ATRNL1: variants seen among roughly 807,000 people sequenced by gnomAD.
ATRNL1 encodes the protein attractin like 1.
In ATRNL1, 95 loss-of-function variants were observed where a neutral mutation model predicts 182.7. The observed-to-expected ratio is 0.52, with a 90% confidence interval of 0.44 to 0.62. The LOEUF is 0.62. Among genes scored for constraint, ATRNL1 ranks in the 20% least tolerant of loss-of-function variants. The probability of loss-of-function intolerance (pLI) is 0.00; values close to 1 mark genes in which losing one functional copy is unlikely to be tolerated. For synonymous variants in ATRNL1, 576 were observed against 568.3 expected (o/e 1.01, Z -0.19); for missense variants, 1,471 against 1,679.5 (o/e 0.88, Z 2.17).
chr10:115,341,820 G>A (rs568865839), intron 19 of ATRNL1, among the ~76,000 whole-genome samples: 7 of 152,050 alleles, frequency 4.6e-5, no homozygotes, highest in African/African-American at 1.7e-4. Context: ...TTTGTTTGAT[G>A]TAAGTATAGC....
At chr10:115,094,561 G>A (rs532250141) in intron 1 of ATRNL1, among the ~76,000 whole-genome samples, 1 of 152,166 alleles carries the variant, frequency 6.6e-6, no homozygotes, top group Non-Finnish European at 1.5e-5. Flanking sequence ...ATGTTAATAA[G>A]TAGAGTTTAT....
chr10:115,634,787 A>G (rs1043916321), intron 26 of ATRNL1, among the ~76,000 whole-genome samples: 3 of 152,170 alleles, frequency 2.0e-5, no homozygotes, highest in Non-Finnish European at 4.4e-5. Flanking sequence ...TAAGTCTACA[A>G]TGCAAATATT....
Position 115,340,994 on chromosome 10 carries a change from CT to C in ATRNL1, c.3175+6583del, listed in dbSNP as rs1217354368. On this transcript the variant is annotated intron_variant, in intron 19 of 28. Transcript: ENST00000355044. Reference sequence around the variant, plus strand: ...AAAATCAACCTTTTGTTTCATCAGTCTTTTTTTTATTGTTTTCTTCATTTCA... The same window carrying C: ...AAAATCAACCTTTTGTTTCATCAGTCTTTTTTTATTGTTTTCTTCATTTCA... Among the ~76,000 whole-genome samples the C allele has an allele frequency of 3.2e-4, 48 of 151,350 alleles. No homozygotes were observed. In the South Asian group the frequency reaches 3.3e-3, roughly 11 times the overall value.
chr10:115,540,880 T>C (rs1189959562), intron 25 of ATRNL1, among the ~76,000 whole-genome samples: 1 of 152,094 alleles, frequency 6.6e-6, no homozygotes, highest in Non-Finnish European at 1.5e-5. Flanking sequence ...CATCAGGTAC[T>C]AGATCTATTA....
At chr10:115,547,321 A>G (rs1852725327) in intron 25 of ATRNL1, among the ~76,000 whole-genome samples, 1 of 151,422 alleles carries the variant, frequency 6.6e-6, no homozygotes, top group South Asian at 2.1e-4. Flanking sequence ...TAGAAAGAGA[A>G]TGCACTAACT....
chr10:115,259,488 G>A (rs1292257458), intron 10 of ATRNL1, among the ~76,000 whole-genome samples: 2 of 152,156 alleles, frequency 1.3e-5, no homozygotes, highest in African/African-American at 2.4e-5. Context: ...GCAGTATTTG[G>A]GTGGGAGTGT....
intron 19 of ATRNL1, among the ~76,000 whole-genome samples, chr10:115,355,093 T>G (rs1856444021): frequency 6.6e-6 from 1 of 151,668 alleles, no homozygotes; most frequent in African/African-American, 2.4e-5. Flanking sequence ...TGTATTGAAT[T>G]CTTTGTCTGA....
At chr10:115,830,976 G>A (rs980515519) in intron 27 of ATRNL1, among the ~76,000 whole-genome samples, 4 of 152,124 alleles carry the variant, frequency 2.6e-5, no homozygotes, top group Non-Finnish European at 4.4e-5. Flanking sequence ...TCCCTTGGCT[G>A]TGAGCACCAG....
intron 22 of ATRNL1, 104 bp from the exon 23 acceptor site, chr10:115,467,070 A>G (rs369150462): frequency 7.7e-6 from 5 of 647,920 alleles, no homozygotes; most frequent in Non-Finnish European, 5.5e-6. Context: ...TACAAAATCT[A>G]TAGAGTTTAA....
intron 27 of ATRNL1, among the ~76,000 whole-genome samples, chr10:115,809,397 G>T (rs1392249455): frequency 1.3e-5 from 2 of 151,952 alleles, no homozygotes; most frequent in Non-Finnish European, 2.9e-5. Context: ...TGAATCTATG[G>T]ACCAATATAG....
chr10:115,907,842 AC>A (rs1457218979), intron 28 of ATRNL1, among the ~76,000 whole-genome samples: 1 of 152,146 alleles, frequency 6.6e-6, no homozygotes, highest in Non-Finnish European at 1.5e-5. Context: ...CCTTGTTAGG[AC>A]TTACTTCATT....
intron 28 of ATRNL1, 80 bp downstream of exon 28, chr10:115,848,071 C>T (rs575406287): frequency 4.3e-5 from 34 of 794,022 alleles, no homozygotes; most frequent in East Asian, 2.0e-4. Flanking sequence ...CACTAAATAG[C>T]GCAGTAAGGA....
intron 28 of ATRNL1, among the ~76,000 whole-genome samples, chr10:115,941,828 TAAAC>T (rs1217124027): frequency 6.6e-6 from 1 of 152,218 alleles, no homozygotes; most frequent in Non-Finnish European, 1.5e-5. Context: ...CTCCATTAAT[TAAAC>T]AAATAATGAA....
intron 26 of ATRNL1, among the ~76,000 whole-genome samples, chr10:115,641,429 C>T (rs1859241198): frequency 6.6e-6 from 1 of 152,136 alleles, no homozygotes; most frequent in Non-Finnish European, 1.5e-5. Flanking sequence ...TCACACATTG[C>T]CCTAGTTAAA....
chr10:115,385,488 G>A (rs1044304657), intron 19 of ATRNL1, among the ~76,000 whole-genome samples: 6 of 151,976 alleles, frequency 3.9e-5, no homozygotes, highest in South Asian at 2.1e-4. Context: ...TATGGATTGC[G>A]AATATTTCCC....
rs550986853 is a variant in ATRNL1, at chr10:115,494,212, T to C, written c.3654+24883T>C. Among the ~76,000 whole-genome samples the C allele has an allele frequency of 5.9e-5, 9 of 152,302 alleles. No homozygotes were observed. In the South Asian group the frequency reaches 1.9e-3, roughly 32 times the overall value. Reference sequence around the variant, plus strand: ...ATCCTGAAACTTTGCTGATGTTGTTTATCAGATCTAGGAGCTTTTGGTCAG... The same window carrying C: ...ATCCTGAAACTTTGCTGATGTTGTTCATCAGATCTAGGAGCTTTTGGTCAG... On this transcript the variant is annotated intron_variant, in intron 24 of 28. Coordinates refer to ENST00000355044, the MANE Select transcript of ATRNL1 (RefSeq NM_207303.4).
At chr10:115,348,010 G>T (rs192249081) in intron 19 of ATRNL1, among the ~76,000 whole-genome samples, 34 of 152,282 alleles carry the variant, frequency 2.2e-4, no homozygotes, top group African/African-American at 7.2e-4. Flanking sequence ...GTCTTGCTCT[G>T]TTGCCCAGGC....
chr10:115,690,970 C>T (rs1361904861), intron 26 of ATRNL1, among the ~76,000 whole-genome samples: 3 of 152,148 alleles, frequency 2.0e-5, no homozygotes, highest in Non-Finnish European at 4.4e-5. Flanking sequence ...CTTGGGGCTC[C>T]CAAGCCAACC....
chr10:115,737,290 G>C (rs1192462997), intron 27 of ATRNL1, among the ~76,000 whole-genome samples: 1 of 147,498 alleles, frequency 6.8e-6, no homozygotes, highest in African/African-American at 2.5e-5. Flanking sequence ...CAAAAAAAAA[G>C]GCTGGGCATG....
Sources: gnomAD v4.1 joint callset for allele counts (sites outside exome capture counted in the v4.1 genomes callset) on GRCh38, gnomAD v4.1.1 for gene constraint, MANE v1.5 for transcripts, NCBI Gene and HGNC (gene_info 2026-07-23, HGNC 2026-07-21) for gene names.